Variants in AUTS2 observed in about 807,000 individuals in gnomAD.
The protein encoded by AUTS2 is autism susceptibility gene 2 protein.
AUTS2 carries 17 observed loss-of-function variants against 112.4 expected under a neutral mutation model. That is an observed-to-expected ratio of 0.15 (90% CI 0.10 to 0.23). The LOEUF (loss-of-function observed/expected upper bound fraction) is 0.23, where lower values mean the gene tolerates loss of function less well. Ranked by LOEUF, AUTS2 falls within the 10% of genes least tolerant of loss-of-function variation. AUTS2 has a pLI of 1.00. For missense variants in AUTS2, 1,510 were observed against 1,701.6 expected (o/e 0.89, Z 1.98); for synonymous variants, 751 against 702.7 (o/e 1.07, Z -1.09).
At chr7:70,635,142 G>T (rs1231583347) in intron 5 of AUTS2, among the ~76,000 whole-genome samples, 1 of 152,136 alleles carries the variant, frequency 6.6e-6, no homozygotes, top group African/African-American at 2.4e-5. Context: ...GGTCTTTCAT[G>T]CCACGTTAGA....
intron 2 of AUTS2, among the ~76,000 whole-genome samples, chr7:69,957,235 A>T (rs965015606): frequency 6.6e-6 from 1 of 151,834 alleles, no homozygotes; most frequent in Non-Finnish European, 1.5e-5. Flanking sequence ...GAACATAAAC[A>T]CAGGGCAACA....
At chr7:69,618,757 A>G (rs1441933988) in intron 1 of AUTS2, among the ~76,000 whole-genome samples, 3 of 152,110 alleles carry the variant, frequency 2.0e-5, no homozygotes, top group East Asian at 3.9e-4. Flanking sequence ...CCATGTACCC[A>G]CCACCAACTT....
intron 5 of AUTS2, among the ~76,000 whole-genome samples, chr7:70,679,423 C>T (rs551507570): frequency 1.3e-5 from 2 of 152,296 alleles, no homozygotes; most frequent in South Asian, 2.1e-4. Context: ...AAAACTAAAT[C>T]TTATCCCTGG....
chr7:69,691,889 C>T (rs559444978), intron 1 of AUTS2, among the ~76,000 whole-genome samples: 44 of 152,086 alleles, frequency 2.9e-4, no homozygotes, highest in Non-Finnish European at 6.0e-4. Context: ...TAGCATCTGG[C>T]AGGCATGTAG....
In AUTS2 at chr7:70,769,452, G is replaced by A. The variant is rs1969498; in HGVS notation, c.1734+1384G>A. Among the ~76,000 whole-genome samples, 8 of 152,274 alleles carry A rather than the reference G, an allele frequency of 5.3e-5. No individual in the cohort carries two copies. The South Asian group carries it at 6.2e-4, about 12-fold the overall frequency. On this transcript the variant is annotated intron_variant, in intron 10 of 18. Transcript: ENST00000342771. The stretch of plus-strand genomic sequence containing the variant: ...TGTAATCCCAGCACTTTGGGAGGCC[G>A]AGGCAGGCGGATCACAAGGTCAGGA...
intron 4 of AUTS2, among the ~76,000 whole-genome samples, chr7:70,314,957 G>C (rs1789927741): frequency 6.6e-6 from 1 of 152,010 alleles, no homozygotes; most frequent in Non-Finnish European, 1.5e-5. Context: ...AAATCTAAAG[G>C]AGAAACCACC....
chr7:70,059,219 G>C (rs1264512203), intron 2 of AUTS2, among the ~76,000 whole-genome samples: 1 of 151,962 alleles, frequency 6.6e-6, no homozygotes, highest in Admixed American at 6.6e-5. Context: ...CCATAGTTTC[G>C]CCTTCGCAAG....
chr7:69,696,003 C>T (rs765087483), intron 1 of AUTS2, among the ~76,000 whole-genome samples: 14 of 152,104 alleles, frequency 9.2e-5, no homozygotes, highest in Non-Finnish European at 1.6e-4. Flanking sequence ...TGAATGAAAA[C>T]GTATTATGAT....
chr7:70,310,769 C>G (rs1227274954), intron 4 of AUTS2, among the ~76,000 whole-genome samples: 1 of 152,090 alleles, frequency 6.6e-6, no homozygotes, highest in Non-Finnish European at 1.5e-5. Flanking sequence ...AAATAGAATG[C>G]AAAACACAGC....
At chr7:69,896,787 C>T (rs939532683) in intron 1 of AUTS2, among the ~76,000 whole-genome samples, 5 of 152,196 alleles carry the variant, frequency 3.3e-5, no homozygotes, top group African/African-American at 1.2e-4. Context: ...CTTTCACATT[C>T]TTTCAAGAGA....
intron 1 of AUTS2, among the ~76,000 whole-genome samples, chr7:69,877,248 G>T (rs1038468617): frequency 1.2e-4 from 18 of 152,138 alleles, no homozygotes; most frequent in Admixed American, 6.5e-5. Flanking sequence ...GTAAAGAAGT[G>T]TGTGAAAAGC....
At chr7:70,785,750 A>G (rs933006576) in intron 16 of AUTS2, among the ~76,000 whole-genome samples, 3 of 152,244 alleles carry the variant, frequency 2.0e-5, no homozygotes, top group African/African-American at 7.2e-5. Flanking sequence ...TTGTAGAAGA[A>G]GAGTCCTCAG....
At chr7:70,777,255 A>C (rs2129559219) in intron 14 of AUTS2, 81 bp downstream of exon 14, 1 of 1,303,852 alleles carries the variant, frequency 7.7e-7, no homozygotes, top group South Asian at 1.2e-5. Context: ...CTGATGAAGG[A>C]GGCATTTAAA....
chr7:70,386,616 G>C (rs138688403), intron 4 of AUTS2, among the ~76,000 whole-genome samples: 4 of 152,248 alleles, frequency 2.6e-5, no homozygotes, highest in East Asian at 3.9e-4. Flanking sequence ...GTGACTGAAC[G>C]TAAGTCCAGT....
intron 5 of AUTS2, among the ~76,000 whole-genome samples, chr7:70,638,460 C>T (rs1433990850): frequency 6.6e-6 from 1 of 152,212 alleles, no homozygotes; most frequent in Non-Finnish European, 1.5e-5. Context: ...AACTTTGCCT[C>T]ATCAAGTCAG....
intron 2 of AUTS2, among the ~76,000 whole-genome samples, chr7:70,027,741 A>C (rs1395665589): frequency 6.6e-6 from 1 of 152,212 alleles, no homozygotes. Context: ...AGTTTAATGA[A>C]TGAGAAAGAC....
At chr7:70,539,558 A>C (rs536678119) in intron 5 of AUTS2, among the ~76,000 whole-genome samples, 1 of 152,302 alleles carries the variant, frequency 6.6e-6, no homozygotes, top group African/African-American at 2.4e-5. Flanking sequence ...TTTTCATTTG[A>C]AATGGATTGA....
intron 4 of AUTS2, among the ~76,000 whole-genome samples, chr7:70,431,680 C>T (rs73175931): frequency 2.1e-4 from 32 of 152,308 alleles, no homozygotes; most frequent in Non-Finnish European, 3.2e-4. Context: ...CCCCGTCACC[C>T]GGCCGTAAAT....
chr7:69,620,474 GA>G (rs2129090389), intron 1 of AUTS2, among the ~76,000 whole-genome samples: 1 of 152,074 alleles, frequency 6.6e-6, no homozygotes, highest in African/African-American at 2.4e-5. Context: ...AAGTTTGAGG[GA>G]AAAAAATTAC....
Sources: gnomAD v4.1 joint callset for allele counts (sites outside exome capture counted in the v4.1 genomes callset) on GRCh38, gnomAD v4.1.1 for gene constraint, MANE v1.5 for transcripts, NCBI Gene and HGNC (gene_info 2026-07-23, HGNC 2026-07-21) for gene names.